The following SNX18 variants were observed in gnomAD, a reference collection of about 807,000 sequenced individuals.
The protein encoded by SNX18 is sorting nexin 18.
Under a neutral mutation model 48.7 loss-of-function variants are expected in SNX18, and 35 were observed. The ratio of observed to expected loss-of-function variants is 0.72; its 90% CI spans 0.55 to 0.95. The LOEUF (loss-of-function observed/expected upper bound fraction) is 0.95, where lower values mean the gene tolerates loss of function less well. SNX18 is among the 40% of genes least tolerant of loss of function. The probability of loss-of-function intolerance (pLI) is 0.00; values close to 1 mark genes in which losing one functional copy is unlikely to be tolerated. For missense variants in SNX18, 824 were observed against 871.0 expected (o/e 0.95, Z 0.68); for synonymous variants, 492 against 384.7 (o/e 1.28, Z -3.26).
the SNX18 span, among the ~76,000 whole-genome samples, chr5:54,598,035 A>T: frequency 1.3e-5 from 2 of 152,166 alleles, no homozygotes; most frequent in Admixed American, 6.5e-5. Flanking sequence ...TCAAATAGAC[A>T]CAATAAAAAA....
At chr5:54,592,221 C>A in the SNX18 span, among the ~76,000 whole-genome samples, 1 of 152,180 alleles carries the variant, frequency 6.6e-6, no homozygotes, top group African/African-American at 2.4e-5. Flanking sequence ...TGGGACACTT[C>A]ATGTGAGATC....
the SNX18 span, among the ~76,000 whole-genome samples, chr5:54,552,341 G>T: frequency 6.2e-4 from 94 of 152,308 alleles, no homozygotes; most frequent in Non-Finnish European, 5.1e-4. Context: ...GGCCCAAGGG[G>T]TCTAAAGAGG....
chr5:54,538,324 C>T (rs1444080315), intron 1 of SNX18, among the ~76,000 whole-genome samples: 1 of 152,162 alleles, frequency 6.6e-6, no homozygotes, highest in African/African-American at 2.4e-5. Flanking sequence ...TGGGCAGAGG[C>T]GGGTAGAGGG....
At chr5:54,581,948 G>T in the SNX18 span, among the ~76,000 whole-genome samples, 1 of 152,136 alleles carries the variant, frequency 6.6e-6, no homozygotes, top group Non-Finnish European at 1.5e-5. Flanking sequence ...GCTGAGATTT[G>T]CTCACCAGAC....
chr5:54,518,238 TC>T lies in SNX18; in HGVS notation c.288del (p.Phe97SerfsTer129). On this transcript the variant is annotated frameshift_variant, in exon 1 of 2. Transcript: ENST00000381410. LOFTEE classifies it high-confidence loss of function. ...GCCCCTGCCTGTCGCGCCCCCCGCC[TC>T]CTTCAAGCCGCCGCCTGACGCCTTC... The part of the protein sequence containing the change: ...FEPLPVAPPA[S>X]FKPPPDAFQA... 1 of 1,439,774 alleles carries T rather than the reference TC, an allele frequency of 6.9e-7. No individual in the cohort carries two copies. The allele number at this position is 1,439,774 out of a possible 1,614,324, so 89.2% of individuals were successfully genotyped here. A position where few individuals can be genotyped will look rare whatever the true frequency, so the allele number is the denominator to read the frequency against.
At chr5:54,524,791 G>A (rs981333501) in intron 1 of SNX18, among the ~76,000 whole-genome samples, 2 of 152,164 alleles carry the variant, frequency 1.3e-5, no homozygotes, top group African/African-American at 2.4e-5. Context: ...CCGCTCTGCC[G>A]GTGTCTGCAG....
chr5:54,560,839 C>A, the SNX18 span, among the ~76,000 whole-genome samples: 2 of 152,146 alleles, frequency 1.3e-5, no homozygotes, highest in African/African-American at 4.8e-5. Context: ...TGCTTGGAAC[C>A]ATCAAGCAGA....
At chr5:54,572,750 G>GTC in the SNX18 span, among the ~76,000 whole-genome samples, 1 of 41,472 alleles carries the variant, frequency 2.4e-5, no homozygotes, top group Admixed American at 2.8e-4. Context: ...GTGTGTGTGT[G>GTC]TGTGTATATA....
the SNX18 span, among the ~76,000 whole-genome samples, chr5:54,588,263 A>T: frequency 6.6e-6 from 1 of 151,678 alleles, no homozygotes; most frequent in African/African-American, 2.4e-5. Context: ...TGAAAAAAAA[A>T]TAATTCAAAT....
chr5:54,574,970 A>C, the SNX18 span, among the ~76,000 whole-genome samples: 1 of 152,208 alleles, frequency 6.6e-6, no homozygotes, highest in African/African-American at 2.4e-5. Context: ...TAAGTACAGC[A>C]GATCCTAGTT....
the SNX18 span, among the ~76,000 whole-genome samples, chr5:54,577,158 T>G: frequency 2.0e-5 from 3 of 152,118 alleles, no homozygotes; most frequent in Non-Finnish European, 4.4e-5. Context: ...AGTTCAAACT[T>G]TCAAAACTCT....
the SNX18 span, among the ~76,000 whole-genome samples, chr5:54,636,387 A>G: frequency 6.6e-6 from 1 of 151,846 alleles, no homozygotes; most frequent in Admixed American, 6.6e-5. Context: ...TTATCTCTGG[A>G]GCATTTTGCT....
intron 1 of SNX18, among the ~76,000 whole-genome samples, chr5:54,530,912 C>G (rs776758981): frequency 4.0e-5 from 6 of 151,708 alleles, no homozygotes; most frequent in Admixed American, 3.3e-4. Context: ...CCACCACACC[C>G]AGCTAATTTT....
the SNX18 span, among the ~76,000 whole-genome samples, chr5:54,605,378 C>T: frequency 6.6e-6 from 1 of 151,902 alleles, no homozygotes; most frequent in African/African-American, 2.4e-5. Context: ...TTAAAAAAAG[C>T]AATATTTAAT....
chr5:54,555,708 T>A, the SNX18 span, among the ~76,000 whole-genome samples: 1 of 151,806 alleles, frequency 6.6e-6, no homozygotes, highest in East Asian at 1.9e-4. Context: ...ATGCCCGTAG[T>A]CCCAGCTACT....
At chr5:54,579,081 T>G in the SNX18 span, among the ~76,000 whole-genome samples, 3 of 152,178 alleles carry the variant, frequency 2.0e-5, no homozygotes, top group Admixed American at 6.5e-5. Flanking sequence ...AGCGTATGCC[T>G]GCAATCCCAA....
intron 1 of SNX18, among the ~76,000 whole-genome samples, chr5:54,528,947 A>G (rs185223760): frequency 1.3e-5 from 2 of 152,266 alleles, no homozygotes; most frequent in Admixed American, 1.3e-4. Flanking sequence ...TGTGCTGCCT[A>G]GACATTGGTG....
chr5:54,604,135 A>T, the SNX18 span, among the ~76,000 whole-genome samples: 2 of 152,222 alleles, frequency 1.3e-5, no homozygotes, highest in Admixed American at 1.3e-4. Flanking sequence ...AACACATTAT[A>T]AAAATGCCAT....
At chr5:54,529,166 A>G (rs1304537533) in intron 1 of SNX18, among the ~76,000 whole-genome samples, 2 of 152,138 alleles carry the variant, frequency 1.3e-5, no homozygotes, top group East Asian at 3.9e-4. Flanking sequence ...AGACGTGATA[A>G]CATCTTATTG....
Sources: gnomAD v4.1 joint callset for allele counts (sites outside exome capture counted in the v4.1 genomes callset) on GRCh38, gnomAD v4.1.1 for gene constraint, MANE v1.5 for transcripts, NCBI Gene and HGNC (gene_info 2026-07-23, HGNC 2026-07-21) for gene names.